Variants in MFSD11 observed in about 807,000 individuals in gnomAD.
MFSD11 encodes the protein major facilitator superfamily domain containing 11.
A neutral mutation model predicts 53.5 loss-of-function variants in MFSD11; 36 were observed. That is an observed-to-expected ratio of 0.67 (90% CI 0.52 to 0.89). The LOEUF (loss-of-function observed/expected upper bound fraction) is 0.89, where lower values mean the gene tolerates loss of function less well. MFSD11 is among the 40% of genes least tolerant of loss of function. The pLI is 0.00. For synonymous variants in MFSD11, 186 were observed against 184.9 expected, an observed-to-expected ratio of 1.01 and a Z score of -0.05; for missense variants, 530 against 543.9, an observed-to-expected ratio of 0.97 and a Z score of 0.25.
At chr17:76,786,743 C>T in the MFSD11 span, among the ~76,000 whole-genome samples, 7 of 152,234 alleles carry the variant, frequency 4.6e-5, no homozygotes, top group Non-Finnish European at 7.3e-5. Context: ...TAGGCAGCCT[C>T]TGCCCAGCTG....
the MFSD11 span, among the ~76,000 whole-genome samples, chr17:76,798,001 A>G: frequency 6.6e-6 from 1 of 151,694 alleles, no homozygotes; most frequent in African/African-American, 2.4e-5. Flanking sequence ...CTCCCACCTC[A>G]GCCTCCCGAG....
chr17:76,772,779 G>A, intron 10 of MFSD11, among the ~76,000 whole-genome samples: 1 of 152,114 alleles, frequency 6.6e-6, no homozygotes, highest in East Asian at 1.9e-4. Flanking sequence ...GCCTCCCAAA[G>A]TGCTGGAATT....
At chr17:76,737,329 A>C, upstream of MFSD11, 15 of 872,650 alleles carry the variant, frequency 1.7e-5, no homozygotes, top group South Asian at 3.0e-4. Flanking sequence ...CTGAGTAACA[A>C]CTGGGCGGGC....
At chr17:76,744,512 G>C (rs542067099) in intron 7 of MFSD11, 46 bp downstream of exon 7, 3 of 1,554,580 alleles carry the variant, frequency 1.9e-6, no homozygotes, top group Admixed American at 1.8e-5. Context: ...TAGATTTTGA[G>C]TAGATCTAGT....
At chr17:76,743,332 AT>A in intron 5 of MFSD11, 65 bp from the exon 6 acceptor site, 1 of 1,066,086 alleles carries the variant, frequency 9.4e-7, no homozygotes, top group Non-Finnish European at 1.4e-6. Context: ...GGGAATAATT[AT>A]TTTTAAAAAA....
At chr17:76,751,389 TA>T (rs2079039914) in intron 7 of MFSD11, among the ~76,000 whole-genome samples, 1 of 148,422 alleles carries the variant, frequency 6.7e-6, no homozygotes, top group Non-Finnish European at 1.5e-5. Flanking sequence ...GACATTGTCT[TA>T]AGAAAAAAAA....
chr17:76,743,382 C>T lies in MFSD11; in HGVS notation c.438-16C>T. ...AATAATTACCCAACATCCTATCCTC[C>T]CTTTTCTTCCCCCAGCTTGTTCTTT... On this transcript the variant is annotated splice_polypyrimidine_tract_variant and intron_variant, in intron 5 of 12. Coordinates refer to ENST00000685175, the MANE Select transcript of MFSD11 (RefSeq NM_001242532.5). 1 of 1,538,558 alleles carries T rather than the reference C, an allele frequency of 6.5e-7. No individual in the cohort carries two copies. The highest frequency in any genetic ancestry group is 1.2e-5 in the South Asian group (1 of 81,310).
In MFSD11 at chr17:76,744,288, C is replaced by T. The variant is rs377686285; in HGVS notation, c.497-34C>T. ...GATACTAATTCTGGAATTGTTTGGT[C>T]GATACTATCTTGTTTCTTCTTTTTT... On this transcript the variant is annotated intron_variant, in intron 6 of 12. Transcript: ENST00000685175. 9.5e-6 allele frequency: 15 copies of T among 1,578,686 alleles called. 1 individual carries two copies. The highest frequency in any genetic ancestry group is 3.5e-5 in the South Asian group (3 of 85,112).
chr17:76,738,236 C>T lies in MFSD11; in HGVS notation c.-117C>T, dbSNP rs750772439. 5.9e-6 allele frequency: 4 copies of T among 677,570 alleles called. No individual in the cohort carries two copies. In the East Asian group the frequency reaches 1.1e-4, roughly 18 times the overall value. The allele number at this position is 677,570 out of a possible 1,614,324, so 42.0% of individuals were successfully genotyped here. On this transcript the variant is annotated 5_prime_UTR_variant, in exon 1 of 13. Coordinates refer to ENST00000685175, the MANE Select transcript of MFSD11 (RefSeq NM_001242532.5). ...GGAAGTTGACAGCTTGGCTGCCTGG[C>T]TCCTGCATCTGCCTTCTCCACTCAC...
chr17:76,737,532 G>A (rs987284884), upstream of MFSD11: 30 of 285,852 alleles, frequency 1.0e-4, no homozygotes, highest in African/African-American at 6.2e-4. Flanking sequence ...GGAGGGAGGG[G>A]GAGCGGAATT....
chr17:76,753,980 G>A, intron 7 of MFSD11, 67 bp from the exon 8 acceptor site: 2 of 1,327,612 alleles, frequency 1.5e-6, no homozygotes, highest in Non-Finnish European at 2.1e-6. Flanking sequence ...AAATGAAAAT[G>A]TGATCGTATG....
upstream of MFSD11, chr17:76,737,971 G>A (rs1345586061): frequency 1.1e-5 from 3 of 262,756 alleles, no homozygotes; most frequent in African/African-American, 2.2e-5. Context: ...CCGCGGCTGC[G>A]GTCAGGTGAC....
At chr17:76,802,658 C>T in the MFSD11 span, among the ~76,000 whole-genome samples, 1 of 152,170 alleles carries the variant, frequency 6.6e-6, no homozygotes, top group East Asian at 1.9e-4. Context: ...GCAGGCAAAT[C>T]ACTTAAGGTC....
At position 76,767,468 on chromosome 17, in the gene MFSD11, T is replaced by G. The variant is rs769143078; in HGVS notation, c.748+17T>G. 1 of 1,440,446 alleles carries G rather than the reference T, an allele frequency of 6.9e-7. No homozygotes were observed. Among genetic ancestry groups the G allele is most frequent in the Non-Finnish European group, 9.7e-7 (1 of 1,031,024 alleles). 89.2% of individuals were successfully genotyped at this position (1,440,446 alleles called of 1,614,324 possible). Reference sequence around the variant, plus strand: ...CTTATACAGGTAATGGAATTACTGTTCTTATTTTCTCTTGCTGCATAATGA... The same window carrying G: ...CTTATACAGGTAATGGAATTACTGTGCTTATTTTCTCTTGCTGCATAATGA... On this transcript the variant is annotated intron_variant, in intron 9 of 12. Coordinates refer to ENST00000685175, the MANE Select transcript of MFSD11 (RefSeq NM_001242532.5).
chr17:76,744,292 A>G (rs1431226612), intron 6 of MFSD11, 30 bp from the exon 7 acceptor site: 2 of 1,593,664 alleles, frequency 1.3e-6, no homozygotes, highest in African/African-American at 1.4e-5. Flanking sequence ...TTTGGTCGAT[A>G]CTATCTTGTT....
rs1222326916 is a variant in MFSD11, at chr17:76,767,460, A to G, written c.748+9A>G. 1 of 1,520,154 alleles carries G rather than the reference A, an allele frequency of 6.6e-7. No homozygotes were observed. The highest frequency in any genetic ancestry group is 9.1e-7 in the Non-Finnish European group (1 of 1,100,232). 94.2% of individuals were successfully genotyped at this position (1,520,154 alleles called of 1,614,324 possible). ...TACAACTGCTTATACAGGTAATGGAATTACTGTTCTTATTTTCTCTTGCTG... is the reference window on the plus strand; with the variant it reads ...TACAACTGCTTATACAGGTAATGGAGTTACTGTTCTTATTTTCTCTTGCTG... On this transcript the variant is annotated intron_variant, in intron 9 of 12. Transcript: ENST00000685175.
chr17:76,753,700 A>AG (rs773367055), intron 7 of MFSD11, among the ~76,000 whole-genome samples: 33 of 150,534 alleles, frequency 2.2e-4, no homozygotes, highest in African/African-American at 4.2e-4. Context: ...AAAAAAAAAA[A>AG]AAAGAAAGAA....
At chr17:76,747,338 A>C (rs1364601932) in intron 7 of MFSD11, among the ~76,000 whole-genome samples, 2 of 146,376 alleles carry the variant, frequency 1.4e-5, no homozygotes. Context: ...ACATGGTGAA[A>C]CTTTTTTTTT....
chr17:76,796,922 C>T, the MFSD11 span, among the ~76,000 whole-genome samples: 1 of 151,726 alleles, frequency 6.6e-6, no homozygotes. Context: ...GTAATTGCAG[C>T]ACTTTGGGAG....
Sources: gnomAD v4.1 joint callset for allele counts (sites outside exome capture counted in the v4.1 genomes callset) on GRCh38, gnomAD v4.1.1 for gene constraint, MANE v1.5 for transcripts, NCBI Gene and HGNC (gene_info 2026-07-23, HGNC 2026-07-21) for gene names.